The following FRRS1L variants were observed in gnomAD, a reference collection of about 807,000 sequenced individuals.
The protein encoded by FRRS1L is ferric chelate reductase 1 like.
In FRRS1L, 22 loss-of-function variants were observed where a neutral mutation model predicts 28.6. That is an observed-to-expected ratio of 0.77 (90% CI 0.55 to 1.10). The LOEUF (loss-of-function observed/expected upper bound fraction) is 1.10. Among genes scored for constraint, FRRS1L ranks in the 50% least tolerant of loss-of-function variants. FRRS1L has a pLI of 0.00. For synonymous variants in FRRS1L, 158 were observed against 151.4 expected (o/e 1.04, Z -0.32); for missense variants, 380 against 386.9 (o/e 0.98, Z 0.15).
chr9:109,163,944 T>C (rs1322449053), intron 1 of FRRS1L, among the ~76,000 whole-genome samples: 2 of 152,174 alleles, frequency 1.3e-5, no homozygotes, highest in Non-Finnish European at 2.9e-5. Context: ...CCATCGATAA[T>C]TTTGAGCCTT....
chr9:109,166,160 A>G (rs558686941), intron 1 of FRRS1L, among the ~76,000 whole-genome samples: 4 of 152,188 alleles, frequency 2.6e-5, no homozygotes, highest in Non-Finnish European at 4.4e-5. Flanking sequence ...ACTACTTCCC[A>G]AAGTTGCTTA....
chr9:109,141,732 C>G, intron 3 of FRRS1L, 143 bp from the exon 4 acceptor site: 1 of 805,850 alleles, frequency 1.2e-6, no homozygotes, highest in Non-Finnish European at 1.9e-6. Flanking sequence ...AAGTCTCAAC[C>G]AGGAGACCAA....
At chr9:109,153,158 C>T (rs1831357060) in intron 1 of FRRS1L, among the ~76,000 whole-genome samples, 1 of 152,100 alleles carries the variant, frequency 6.6e-6, no homozygotes, top group East Asian at 1.9e-4. Context: ...TGTTTTTGTT[C>T]TTCATGAGCC....
At chr9:109,146,487 A>G (rs1831263888) in intron 3 of FRRS1L, among the ~76,000 whole-genome samples, 1 of 152,210 alleles carries the variant, frequency 6.6e-6, no homozygotes, top group Non-Finnish European at 1.5e-5. Context: ...CTAGCTGTCC[A>G]CTGGAGAAAT....
chr9:109,151,718 C>T (rs1038775871), intron 1 of FRRS1L: 4 of 159,678 alleles, frequency 2.5e-5, no homozygotes, highest in Non-Finnish European at 4.1e-5. Context: ...TTCCCCTTGA[C>T]CCAGTCCATG....
In FRRS1L at chr9:109,149,816, T is replaced by C. The variant is rs1831309174; in HGVS notation, c.239-96A>G. Reference sequence around the variant, plus strand: ...TGTTGACTGTTTTTTCTCACACATATCGAGAAATGTTTGGGGACTCAGAAA... The same window carrying C: ...TGTTGACTGTTTTTTCTCACACATACCGAGAAATGTTTGGGGACTCAGAAA... On this transcript the variant is annotated intron_variant, in intron 1 of 4. Coordinates refer to ENST00000561981, the MANE Select transcript of FRRS1L (RefSeq NM_014334.4). 4.9e-6 allele frequency: 4 copies of C among 822,336 alleles called. No individual in the cohort carries two copies. In the Admixed American group the frequency reaches 7.0e-5, roughly 14 times the overall value. 50.9% of individuals were successfully genotyped at this position (822,336 alleles called of 1,614,324 possible). A position where few individuals can be genotyped will look rare whatever the true frequency, so the allele number is the denominator to read the frequency against.
chr9:109,149,012 T>C (rs2118486418), intron 2 of FRRS1L, among the ~76,000 whole-genome samples: 1 of 152,218 alleles, frequency 6.6e-6, no homozygotes, highest in Non-Finnish European at 1.5e-5. Context: ...CCCCTGACCA[T>C]CAAATTATTC....
chr9:109,162,389 C>G (rs1831490446), intron 1 of FRRS1L, among the ~76,000 whole-genome samples: 1 of 152,206 alleles, frequency 6.6e-6, no homozygotes, highest in Non-Finnish European at 1.5e-5. Flanking sequence ...ACCCTCCATT[C>G]CAGATGGGCA....
At chr9:109,155,385 A>C (rs1375908394) in intron 1 of FRRS1L, among the ~76,000 whole-genome samples, 3 of 152,198 alleles carry the variant, frequency 2.0e-5, no homozygotes, top group African/African-American at 7.2e-5. Flanking sequence ...TACAACATGG[A>C]CGTACCTTGA....
chr9:109,137,503 C>A lies in FRRS1L; in HGVS notation c.834G>T (p.Leu278Phe). Reference protein sequence around the residue: ...AYQTFSSPFCLLLIVALTFYL... With the variant: ...AYQTFSSPFCFLLIVALTFYL... ...AGAAGGTCAGAGCAACAATCAGAAGCAAACAAAATGGAGATGAGAAGGTTT... is the reference window on the plus strand; with the variant it reads ...AGAAGGTCAGAGCAACAATCAGAAGAAAACAAAATGGAGATGAGAAGGTTT... The change falls in exon 5 of 5, where the codon TTG (leucine) becomes TTT (phenylalanine). Residue 278 changes from leucine (L) to phenylalanine (F), a missense_variant. By Grantham distance (22) the Leu-to-Phe change is conservative (BLOSUM62 0). Coordinates refer to ENST00000561981, the MANE Select transcript of FRRS1L (RefSeq NM_014334.4). 6.2e-7 allele frequency: 1 copy of A among 1,612,848 alleles called. No homozygotes were observed. The highest frequency in any genetic ancestry group is 1.7e-5 in the Admixed American group (1 of 59,948).
intron 4 of FRRS1L, 53 bp downstream of exon 4, chr9:109,141,290 C>CACA: frequency 6.2e-7 from 1 of 1,601,208 alleles, no homozygotes; most frequent in South Asian, 1.1e-5. Context: ...TAACAATGAA[C>CACA]ACAAGCACAG....
At chr9:109,145,154 C>T (rs1429905871) in intron 3 of FRRS1L, among the ~76,000 whole-genome samples, 3 of 152,150 alleles carry the variant, frequency 2.0e-5, no homozygotes, top group African/African-American at 4.8e-5. Context: ...GGGAACAAGC[C>T]TGGCCCAGTG....
intron 1 of FRRS1L, among the ~76,000 whole-genome samples, chr9:109,155,312 A>T (rs955003335): frequency 3.9e-5 from 6 of 152,230 alleles, no homozygotes; most frequent in African/African-American, 1.4e-4. Context: ...CCCTTTGGAA[A>T]TCTATCCACA....
At chr9:109,164,785 C>T (rs970948761) in intron 1 of FRRS1L, among the ~76,000 whole-genome samples, 4 of 152,146 alleles carry the variant, frequency 2.6e-5, no homozygotes, top group East Asian at 1.9e-4. Flanking sequence ...GGTGGGGGCG[C>T]GAAGCAGACA....
chr9:109,142,978 C>G (rs922664037), intron 3 of FRRS1L, among the ~76,000 whole-genome samples: 7 of 112,492 alleles, frequency 6.2e-5, no homozygotes, highest in African/African-American at 2.5e-4. Flanking sequence ...TACTATCCTT[C>G]CTGCTTGCCT....
chr9:109,155,698 C>T (rs113391367), intron 1 of FRRS1L, among the ~76,000 whole-genome samples: 13,674 of 117,332 alleles, frequency 0.12, 915 homozygotes, highest in Middle Eastern at 0.21. Flanking sequence ...AGCAAGACTC[C>T]ATCTCAAAAA....
intron 1 of FRRS1L, chr9:109,151,844 C>T (rs1003643884): frequency 2.0e-5 from 3 of 152,590 alleles, no homozygotes; most frequent in African/African-American, 7.2e-5. Context: ...TATTGAGCCA[C>T]TACAAACTAC....
intron 3 of FRRS1L, among the ~76,000 whole-genome samples, chr9:109,142,947 T>C (rs1831206674): frequency 6.6e-6 from 1 of 151,866 alleles, no homozygotes; most frequent in Non-Finnish European, 1.5e-5. Flanking sequence ...GAGCCTGAGG[T>C]GGGAGGGTCA....
intron 3 of FRRS1L, among the ~76,000 whole-genome samples, chr9:109,144,411 C>T (rs2118475744): frequency 6.6e-6 from 1 of 152,222 alleles, no homozygotes; most frequent in East Asian, 1.9e-4. Context: ...CGCTCTGTTG[C>T]TCAGGGTGGA....
Sources: allele counts gnomAD v4.1 joint callset (sites outside exome capture counted in the v4.1 genomes callset), GRCh38; gene constraint gnomAD v4.1.1; transcripts MANE v1.5; gene names NCBI Gene and HGNC (gene_info 2026-07-23, HGNC 2026-07-21).